SHC4: variants seen among roughly 807,000 people sequenced by gnomAD.
SHC4 encodes the protein SHC adaptor protein 4, also known as SHC-transforming protein 4.
In SHC4, 41 loss-of-function variants were observed where a neutral mutation model predicts 69.4. The ratio of observed to expected loss-of-function variants is 0.59; its 90% confidence interval spans 0.46 to 0.77. The LOEUF (loss-of-function observed/expected upper bound fraction) is 0.77, where lower values mean the gene tolerates loss of function less well. SHC4 is among the 30% of genes least tolerant of loss of function. The probability of loss-of-function intolerance (pLI) is 0.00; values close to 1 mark genes in which losing one functional copy is unlikely to be tolerated. For missense variants in SHC4, 777 were observed against 783.8 expected (o/e 0.99, Z 0.10); for synonymous variants, 318 against 299.3 (o/e 1.06, Z -0.64).
At chr15:48,947,863 T>C (rs1901302619) in intron 1 of SHC4, 2 of 152,222 alleles carry the variant, frequency 1.3e-5, no homozygotes, top group South Asian at 2.1e-4. Flanking sequence ...AGAAGATTGA[T>C]GTTGTTATCA....
chr15:48,959,907 C>A (rs757916611), intron 1 of SHC4, among the ~76,000 whole-genome samples: 1 of 152,230 alleles, frequency 6.6e-6, no homozygotes, highest in South Asian at 2.1e-4. Context: ...TGCTTTAACT[C>A]ATCTGTGTGG....
intron 6 of SHC4, among the ~76,000 whole-genome samples, chr15:48,866,114 T>C (rs922633168): frequency 2.0e-5 from 3 of 152,212 alleles, no homozygotes; most frequent in African/African-American, 7.2e-5. Context: ...GTCATTTCCA[T>C]GTTAAGACAA....
chr15:48,931,381 A>T (rs979051515), intron 1 of SHC4, among the ~76,000 whole-genome samples: 1 of 152,190 alleles, frequency 6.6e-6, no homozygotes, highest in Non-Finnish European at 1.5e-5. Context: ...TCAGATGTGT[A>T]TTGGCACATG....
chr15:48,904,068 C>T (rs899011479), intron 2 of SHC4, among the ~76,000 whole-genome samples: 1 of 152,146 alleles, frequency 6.6e-6, no homozygotes, highest in Admixed American at 6.5e-5. Context: ...TTATGAAGAC[C>T]TTCCAGAGAG....
chr15:48,889,126 A>C (rs1297425233), intron 3 of SHC4, among the ~76,000 whole-genome samples: 1 of 152,182 alleles, frequency 6.6e-6, no homozygotes, highest in Non-Finnish European at 1.5e-5. Flanking sequence ...GGGATGGGGA[A>C]TCCCTGCTCC....
rs542759370 is a variant in SHC4 at position 48,910,216 on chromosome 15, A to T, written c.656+14663T>A. On this transcript the variant is annotated intron_variant, in intron 2 of 11. Coordinates refer to ENST00000332408, the MANE Select transcript of SHC4 (RefSeq NM_203349.4). The stretch of plus-strand genomic sequence containing the variant: ...TTTTTTTTTGTTGTTGGTAATTTTT[A>T]AGTTACCATTTCAATCTCGCTGCTT... Among the ~76,000 whole-genome samples the T allele has an allele frequency of 4.6e-5, 7 of 151,916 alleles. No homozygotes were observed. The South Asian group carries it at 1.5e-3, about 32-fold the overall frequency.
At chr15:48,958,046 A>G (rs1372875039) in intron 1 of SHC4, among the ~76,000 whole-genome samples, 2 of 152,252 alleles carry the variant, frequency 1.3e-5, no homozygotes, top group Non-Finnish European at 2.9e-5. Context: ...TTGATTTCAG[A>G]CGTCCAGCCT....
intron 2 of SHC4, among the ~76,000 whole-genome samples, chr15:48,907,550 C>T (rs939897955): frequency 5.9e-5 from 9 of 151,964 alleles, no homozygotes; most frequent in African/African-American, 1.5e-4. Context: ...AGTCTTCTAT[C>T]TCTCATCCCC....
chr15:48,924,002 C>T (rs904071953), intron 2 of SHC4, among the ~76,000 whole-genome samples: 2 of 152,084 alleles, frequency 1.3e-5, no homozygotes, highest in African/African-American at 4.8e-5. Context: ...GCTCCTTTCG[C>T]TACATTTTTT....
intron 6 of SHC4, among the ~76,000 whole-genome samples, chr15:48,858,507 C>T (rs144480256): frequency 2.0e-5 from 3 of 152,252 alleles, no homozygotes; most frequent in African/African-American, 4.8e-5. Flanking sequence ...ACCAGGAAGG[C>T]GCTAGTTTTC....
chr15:48,845,022 T>C (rs1899060536), intron 9 of SHC4, among the ~76,000 whole-genome samples: 1 of 152,222 alleles, frequency 6.6e-6, no homozygotes, highest in South Asian at 2.1e-4. Context: ...GTTATTTATG[T>C]TCTATTCTAT....
At chr15:48,895,447 G>A (rs766591599) in intron 2 of SHC4, among the ~76,000 whole-genome samples, 8 of 152,118 alleles carry the variant, frequency 5.3e-5, no homozygotes, top group Admixed American at 4.6e-4. Flanking sequence ...ATAGTGAGGC[G>A]CAGCTCTTTG....
intron 2 of SHC4, among the ~76,000 whole-genome samples, chr15:48,912,283 T>C (rs928765407): frequency 2.0e-5 from 3 of 152,188 alleles, no homozygotes; most frequent in Non-Finnish European, 4.4e-5. Flanking sequence ...TCATATTTTC[T>C]TATTCTTTTT....
intron 1 of SHC4, among the ~76,000 whole-genome samples, chr15:48,928,687 C>T (rs1294949640): frequency 6.6e-6 from 1 of 152,170 alleles, no homozygotes; most frequent in Admixed American, 6.5e-5. Context: ...TTATCTGCTT[C>T]GGACTAAGGC....
intron 1 of SHC4, among the ~76,000 whole-genome samples, chr15:48,937,587 G>C (rs1483863419): frequency 9.5e-6 from 1 of 105,510 alleles, no homozygotes; most frequent in Admixed American, 1.0e-4. Context: ...CAGACACATA[G>C]ATAGATAGAT....
At chr15:48,945,830 A>C (rs1457614574) in intron 1 of SHC4, 2 of 152,226 alleles carry the variant, frequency 1.3e-5, no homozygotes, top group Admixed American at 6.5e-5. Context: ...AAACAATTGA[A>C]TTGTACACTT....
At chr15:48,928,571 C>G (rs561459834) in intron 1 of SHC4, among the ~76,000 whole-genome samples, 1 of 152,178 alleles carries the variant, frequency 6.6e-6, no homozygotes, top group African/African-American at 2.4e-5. Context: ...AAATAAGTTG[C>G]CATTCATTTT....
chr15:48,863,839 C>T (rs145393342), intron 6 of SHC4, among the ~76,000 whole-genome samples: 2 of 152,172 alleles, frequency 1.3e-5, no homozygotes, highest in African/African-American at 4.8e-5. Flanking sequence ...GTGCTCAGGA[C>T]GTAGAATCTG....
At chr15:48,955,159 T>TA (rs1333162242) in intron 1 of SHC4, among the ~76,000 whole-genome samples, 1 of 152,148 alleles carries the variant, frequency 6.6e-6, no homozygotes, top group Non-Finnish European at 1.5e-5. Context: ...GACATCCCAG[T>TA]ATGTTTACCC....
Sources: gnomAD v4.1 joint callset for allele counts (sites outside exome capture counted in the v4.1 genomes callset) on GRCh38, gnomAD v4.1.1 for gene constraint, MANE v1.5 for transcripts, NCBI Gene and HGNC (gene_info 2026-07-23, HGNC 2026-07-21) for gene names.